Variants in EPB41 observed in about 807,000 individuals in gnomAD.
The protein encoded by EPB41 is protein 4.1.
In EPB41, 65 loss-of-function variants were observed where a neutral mutation model predicts 108.0. The ratio of observed to expected loss-of-function variants is 0.60; its 90% CI spans 0.49 to 0.74. The LOEUF (loss-of-function observed/expected upper bound fraction) is 0.74. Ranked by LOEUF, EPB41 falls within the 30% of genes least tolerant of loss-of-function variation. EPB41 has a pLI of 0.00. For missense variants in EPB41, 875 were observed against 1,037.0 expected (o/e 0.84, Z 2.15); for synonymous variants, 336 against 358.9 (o/e 0.94, Z 0.72).
chr1:28,887,235 G>C lies in EPB41; in HGVS notation c.-8+25G>C. 2.3e-6 allele frequency: 3 copies of C among 1,280,000 alleles called. No individual in the cohort carries two copies. The highest frequency in any genetic ancestry group is 2.0e-6 in the Non-Finnish European group (2 of 984,574). The allele number at this position is 1,280,000 out of a possible 1,614,324, so 79.3% of individuals were successfully genotyped here. ...GGTGAGCCTGGACCACCTGGGGGGC[G>C]ACCCTCGGTCCCCGGGAGGGACGGG... On this transcript the variant is annotated intron_variant, in intron 1 of 16. Coordinates refer to the EPB41 transcript ENST00000347529. This position sits in a 1 kb window ranked among gnomAD's most constrained non-coding sequence, Gnocchi z 4.9.
rs386366593 is a variant in EPB41 at position 29,086,940 on chromosome 1, C to CTTTTTTT, written c.2185-10851_2185-10845dup. The stretch of plus-strand genomic sequence containing the variant: ...CACTCTTGTAAGCTTAACTGTGGTT[C>CTTTTTTT]TTTTTTTTTTTTTTTTTTTTTTGAG... On this transcript the variant is annotated intron_variant, in intron 16 of 20. Coordinates refer to ENST00000343067, the MANE Select transcript of EPB41 (RefSeq NM_001376013.1). Among the ~76,000 whole-genome samples, 181 of 98,540 alleles carry CTTTTTTT rather than the reference C, an allele frequency of 1.8e-3. 6 individuals are homozygous for CTTTTTTT. The highest frequency in any genetic ancestry group is 6.6e-3 in the African/African-American group (165 of 25,182). 64.6% of individuals were successfully genotyped at this position (98,540 alleles called of 152,430 possible).
At chr1:28,948,820 G>C (rs1043897860) in intron 1 of EPB41, among the ~76,000 whole-genome samples, 1 of 151,910 alleles carries the variant, frequency 6.6e-6, no homozygotes, top group African/African-American at 2.4e-5. Context: ...ATGGTGGTGC[G>C]TGCCTGTAGT....
At chr1:28,906,355 A>G (rs1023063209) in intron 1 of EPB41, among the ~76,000 whole-genome samples, 1 of 152,150 alleles carries the variant, frequency 6.6e-6, no homozygotes, top group African/African-American at 2.4e-5. Flanking sequence ...TGACTTTACC[A>G]GTTTTAGAAG....
chr1:28,944,883 G>A (rs1486149960), intron 1 of EPB41, among the ~76,000 whole-genome samples: 2 of 151,426 alleles, frequency 1.3e-5, no homozygotes, highest in Non-Finnish European at 2.9e-5. Context: ...GAGCTCAGGA[G>A]TTTGAGACCA....
chr1:28,930,150 CTTTTTT>C (rs772932485), intron 1 of EPB41, among the ~76,000 whole-genome samples: 2 of 122,644 alleles, frequency 1.6e-5, no homozygotes, highest in South Asian at 5.4e-4. Context: ...ATGTTGCTTC[CTTTTTT>C]TTTTTTTTTT....
intron 11 of EPB41, among the ~76,000 whole-genome samples, chr1:29,042,666 A>T (rs547784828): frequency 3.0e-4 from 45 of 151,794 alleles, no homozygotes; most frequent in Non-Finnish European, 5.7e-4. Flanking sequence ...TTTAGTGGAG[A>T]TGGGGTTTCA....
chr1:29,057,289 T>C (rs1344281538), intron 12 of EPB41, among the ~76,000 whole-genome samples: 1 of 136,284 alleles, frequency 7.3e-6, no homozygotes, highest in Non-Finnish European at 1.5e-5. Flanking sequence ...GGCAGGAGAA[T>C]GGCGTGAACC....
intron 1 of EPB41, among the ~76,000 whole-genome samples, chr1:28,954,057 C>A (rs541628383): frequency 3.3e-5 from 5 of 152,192 alleles, no homozygotes; most frequent in Non-Finnish European, 7.3e-5. Flanking sequence ...CAGTCAGAGG[C>A]CTCTGCATCT....
At chr1:29,044,987 C>T (rs2985340) in intron 11 of EPB41, among the ~76,000 whole-genome samples, 119,254 of 152,232 alleles carry the variant, frequency 0.78, 47,189 homozygotes, top group East Asian at 0.92. Flanking sequence ...TCTTTGTGTA[C>T]CCTTGTGTCA....
chr1:29,018,579 G>T lies in EPB41; in HGVS notation c.1124+137G>T. Reference sequence around the variant, plus strand: ...CAGTTTCCTCCACTGTTTGACTTTGGGCAGGTTACTTAACCTCTCTTAATC... The same window carrying T: ...CAGTTTCCTCCACTGTTTGACTTTGTGCAGGTTACTTAACCTCTCTTAATC... On this transcript the variant is annotated intron_variant, in intron 7 of 20. Coordinates refer to ENST00000343067, the MANE Select transcript of EPB41 (RefSeq NM_001376013.1). The surrounding 1 kb of genome is among the most constrained non-coding windows in gnomAD (Gnocchi z 4.4). 1.1e-6 allele frequency: 1 copy of T among 902,678 alleles called. No individual in the cohort carries two copies. The highest frequency in any genetic ancestry group is 1.4e-5 in the South Asian group (1 of 72,246). The allele number at this position is 902,678 out of a possible 1,614,324, so 55.9% of individuals were successfully genotyped here. A position where few individuals can be genotyped will look rare whatever the true frequency, so the allele number is the denominator to read the frequency against.
intron 16 of EPB41, chr1:29,070,545 C>T (rs2151095446): frequency 1.6e-6 from 2 of 1,232,130 alleles, no homozygotes; most frequent in Non-Finnish European, 2.0e-6. Flanking sequence ...TTTCCATCTC[C>T]TCGTATTCCT....
chr1:29,100,251 G>A (rs758365222), intron 17 of EPB41, among the ~76,000 whole-genome samples: 2 of 150,284 alleles, frequency 1.3e-5, no homozygotes, highest in African/African-American at 2.4e-5. Flanking sequence ...GGCGGAGCAC[G>A]TGAGGTCAGA....
rs1290561343 is a variant in EPB41, at chr1:28,887,380, G to A, written c.-8+170G>A. 2.0e-6 allele frequency: 2 copies of A among 985,304 alleles called. No homozygotes were observed. 61.0% of individuals were successfully genotyped at this position (985,304 alleles called of 1,614,324 possible). A position where few individuals can be genotyped will look rare whatever the true frequency, so the allele number is the denominator to read the frequency against. The stretch of plus-strand genomic sequence containing the variant: ...CCCGAATTCCAGAATCCGAACTTGG[G>A]GTCCAAAGGAGTCTGGGCATCTTAA... On this transcript the variant is annotated intron_variant, in intron 1 of 16. Transcript: ENST00000347529. This position sits in a 1 kb window ranked among gnomAD's most constrained non-coding sequence, Gnocchi z 4.9.
intron 1 of EPB41, among the ~76,000 whole-genome samples, chr1:28,901,518 C>G (rs929597700): frequency 1.3e-5 from 2 of 151,762 alleles, no homozygotes; most frequent in Non-Finnish European, 2.9e-5. Flanking sequence ...CCACTGCACT[C>G]GGCCTATTTT....
chr1:29,050,769 G>A (rs139748395), intron 11 of EPB41, among the ~76,000 whole-genome samples: 1,982 of 151,976 alleles, frequency 0.013, 42 homozygotes, highest in African/African-American at 0.044. Flanking sequence ...TCCACCTCCT[G>A]GGTTCAGGCC....
intron 1 of EPB41, among the ~76,000 whole-genome samples, chr1:28,920,238 C>T (rs1457264729): frequency 2.0e-5 from 3 of 152,132 alleles, no homozygotes; most frequent in South Asian, 4.1e-4. Context: ...TGTATATCTA[C>T]AATTCTGTTC....
rs538073641 is a variant in EPB41, at chr1:28,987,345, A to G, written c.-7-86A>G. 111 of 1,098,718 alleles carry G rather than the reference A, an allele frequency of 1.0e-4. 1 individual carries two copies. In the East Asian group the frequency reaches 2.6e-3, roughly 26 times the overall value. The allele number at this position is 1,098,718 out of a possible 1,614,324, so 68.1% of individuals were successfully genotyped here. ...TTTGTTGGCAATTAAATACCTAAGTATATTAATTTTTTAGGGTTTAGGGTT... is the reference window on the plus strand; with the variant it reads ...TTTGTTGGCAATTAAATACCTAAGTGTATTAATTTTTTAGGGTTTAGGGTT... On this transcript the variant is annotated intron_variant, in intron 1 of 20. Transcript: ENST00000343067.
At chr1:29,047,751 TTGTAAATTGACAATTTATGTATGTATGTA>T (rs1403369497) in intron 11 of EPB41, among the ~76,000 whole-genome samples, 1 of 152,164 alleles carries the variant, frequency 6.6e-6, no homozygotes, top group African/African-American at 2.4e-5. Context: ...CTTTTTTATA[TTGTAAATTGACAATTTATGTATGTATGTA>T]TGTATGTATG....
rs1169617370 is a variant in EPB41 at position 28,887,216 on chromosome 1, C to T, written c.-8+6C>T. On this transcript the variant is annotated splice_donor_region_variant and intron_variant, in intron 1 of 16. Coordinates refer to the EPB41 transcript ENST00000347529. The surrounding 1 kb of genome is among the most constrained non-coding windows in gnomAD (Gnocchi z 4.9). ...CCCCGCCGCACCCAGCCCAGGTGAG[C>T]CTGGACCACCTGGGGGGCGACCCTC... The T allele has an allele frequency of 1.6e-6, 2 of 1,283,412 alleles. No homozygotes were observed. The highest frequency in any genetic ancestry group is 2.3e-5 in the Admixed American group (1 of 42,734). 79.5% of individuals were successfully genotyped at this position (1,283,412 alleles called of 1,614,324 possible).
Sources: allele counts gnomAD v4.1 joint callset (sites outside exome capture counted in the v4.1 genomes callset), GRCh38; gene constraint gnomAD v4.1.1; non-coding constraint Gnocchi (gnomAD v3.1); transcripts MANE v1.5; gene names NCBI Gene and HGNC (gene_info 2026-07-23, HGNC 2026-07-21).